The following DSE variants were observed in gnomAD, a reference collection of about 807,000 sequenced individuals.
The protein encoded by DSE is dermatan-sulfate epimerase.
A neutral mutation model predicts 84.4 loss-of-function variants in DSE; 36 were observed. That is an observed-to-expected ratio of 0.43 (90% confidence interval 0.33 to 0.56). The LOEUF (loss-of-function observed/expected upper bound fraction) is 0.56, where lower values mean the gene tolerates loss of function less well. Ranked by LOEUF, DSE falls within the 20% of genes least tolerant of loss-of-function variation. The pLI, the probability that DSE is intolerant of heterozygous loss-of-function variation, is 0.06. For synonymous variants in DSE, 410 were observed against 430.1 expected (o/e 0.95, Z 0.58); for missense variants, 862 against 1,169.6 (o/e 0.74, Z 3.84).
Position 116,279,930 on chromosome 6 carries a change from T to C in DSE, c.-54+20963T>C, listed in dbSNP as rs1378470779. On this transcript the variant is annotated intron_variant, in intron 2 of 3. Transcript: ENST00000430252. ...CGCACCGCCCACCCTACAGTCTCAC[T>C]AACATTTCAGCGGCGGTGTCGTCAG... The C allele has an allele frequency of 6.5e-6, 10 of 1,542,548 alleles. No individual in the cohort carries two copies. In the Admixed American group the frequency reaches 8.4e-5, roughly 13 times the overall value.
intron 1 of DSE, chr6:116,258,409 A>G (rs1208284751): frequency 1.4e-6 from 1 of 701,946 alleles, no homozygotes; most frequent in Non-Finnish European, 2.6e-6. Flanking sequence ...AAGTCATTAT[A>G]ATAACTTAGT....
At chr6:116,297,901 G>A (rs1373762122) in intron 2 of DSE, among the ~76,000 whole-genome samples, 1 of 152,150 alleles carries the variant, frequency 6.6e-6, no homozygotes, top group Non-Finnish European at 1.5e-5. Context: ...TTGGGTTAAA[G>A]GTTCAGACAT....
intron 2 of DSE, among the ~76,000 whole-genome samples, chr6:116,339,709 A>G (rs1777479499): frequency 6.6e-6 from 1 of 152,186 alleles, no homozygotes; most frequent in Non-Finnish European, 1.5e-5. Context: ...TGACTTGGCA[A>G]TTGAGTTTAT....
At chr6:116,408,432 T>C (rs1463681922) in intron 2 of DSE, among the ~76,000 whole-genome samples, 1 of 152,200 alleles carries the variant, frequency 6.6e-6, no homozygotes, top group Non-Finnish European at 1.5e-5. Flanking sequence ...AAGACACTAA[T>C]TAATTATATT....
At chr6:116,337,455 C>G (rs1298745848) in intron 2 of DSE, among the ~76,000 whole-genome samples, 2 of 152,052 alleles carry the variant, frequency 1.3e-5, no homozygotes, top group Non-Finnish European at 2.9e-5. Flanking sequence ...ACTAAAACTA[C>G]AAAAATTAGC....
Position 116,437,514 on chromosome 6 carries a change from A to G in DSE, c.*169A>G, listed in dbSNP as rs2115100843. 1.6e-6 allele frequency: 1 copy of G among 644,828 alleles called. No individual in the cohort carries two copies. Among genetic ancestry groups the G allele is most frequent in the Non-Finnish European group, 2.5e-6 (1 of 397,614 alleles). The allele number at this position is 644,828 out of a possible 1,614,324, so 39.9% of individuals were successfully genotyped here. On this transcript the variant is annotated 3_prime_UTR_variant, in exon 6 of 6. Coordinates refer to ENST00000644252, the MANE Select transcript of DSE (RefSeq NM_013352.4). ...AGGAACGTGGAGAAATTGGAGCAGGAAAAGAAATTATCAAAGCAATAGAAA... is the reference window on the plus strand; with the variant it reads ...AGGAACGTGGAGAAATTGGAGCAGGGAAAGAAATTATCAAAGCAATAGAAA...
chr6:116,268,229 CAACAT>C (rs1772720900), intron 2 of DSE, among the ~76,000 whole-genome samples: 1 of 152,180 alleles, frequency 6.6e-6, no homozygotes, highest in Non-Finnish European at 1.5e-5. Context: ...GTTAGTTACA[CAACAT>C]ATGTTAGATA....
intron 2 of DSE, among the ~76,000 whole-genome samples, chr6:116,424,497 T>A (rs2640888): frequency 0.075 from 11,462 of 152,258 alleles, 593 homozygotes; most frequent in African/African-American, 0.15. Flanking sequence ...TCCATAATGA[T>A]CACATAATCA....
At chr6:116,377,216 A>T (rs1779979722) in intron 1 of DSE, among the ~76,000 whole-genome samples, 1 of 152,246 alleles carries the variant, frequency 6.6e-6, no homozygotes, top group South Asian at 2.1e-4. Context: ...ACAATAACAA[A>T]CTTAGCTACT....
chr6:116,274,091 A>G (rs1185411205), intron 2 of DSE, among the ~76,000 whole-genome samples: 1 of 151,492 alleles, frequency 6.6e-6, no homozygotes, highest in African/African-American at 2.4e-5. Flanking sequence ...CGGCCTCCCA[A>G]AGTGCTGGGA....
At chr6:116,258,948 A>G in exon 2 of DSE, 9 of 1,521,602 alleles carry the variant, frequency 5.9e-6, no homozygotes, top group Non-Finnish European at 8.2e-6. Context: ...ATTTGGCGGC[A>G]TACCACCCTG....
chr6:116,329,615 C>A (rs910166342), intron 2 of DSE, among the ~76,000 whole-genome samples: 4 of 152,084 alleles, frequency 2.6e-5, no homozygotes, highest in African/African-American at 4.8e-5. Flanking sequence ...TGTTATTTCA[C>A]GTGAAACTTT....
intron 2 of DSE, among the ~76,000 whole-genome samples, chr6:116,330,272 A>G (rs1776860945): frequency 6.6e-6 from 1 of 152,174 alleles, no homozygotes; most frequent in Admixed American, 6.5e-5. Flanking sequence ...TTCTGGACAT[A>G]ATTATTATTT....
chr6:116,428,036 A>G (rs1783564652), intron 3 of DSE, among the ~76,000 whole-genome samples: 1 of 152,188 alleles, frequency 6.6e-6, no homozygotes, highest in Non-Finnish European at 1.5e-5. Context: ...TAAAAATACA[A>G]AAATTAGCTG....
At chr6:116,357,538 A>T (rs1440417230) in intron 2 of DSE, among the ~76,000 whole-genome samples, 3 of 152,174 alleles carry the variant, frequency 2.0e-5, no homozygotes, top group African/African-American at 7.2e-5. Flanking sequence ...TCTCAAAAAA[A>T]AAAAAAAGTT....
At chr6:116,408,874 GT>G (rs1366136170) in intron 2 of DSE, among the ~76,000 whole-genome samples, 1 of 152,166 alleles carries the variant, frequency 6.6e-6, no homozygotes, top group African/African-American at 2.4e-5. Flanking sequence ...ACAGAGTTTT[GT>G]TTTTATTCAC....
rs1269798750 is a variant in DSE at position 116,438,854 on chromosome 6, T to C, written c.*1509T>C. 1.3e-5 allele frequency: 2 copies of C among 152,202 alleles called. No homozygotes were observed. The highest frequency in any genetic ancestry group is 2.9e-5 in the Non-Finnish European group (2 of 68,018). 9.4% of individuals were successfully genotyped at this position (152,202 alleles called of 1,614,324 possible). A position where few individuals can be genotyped will look rare whatever the true frequency, so the allele number is the denominator to read the frequency against. On this transcript the variant is annotated 3_prime_UTR_variant, in exon 6 of 6. Transcript: ENST00000644252. Reference sequence around the variant, plus strand: ...CTTTCTGCAGTTCTAATTTGAACCTTCTTGCATAAAGAAAACACAAGTTTG... The same window carrying C: ...CTTTCTGCAGTTCTAATTTGAACCTCCTTGCATAAAGAAAACACAAGTTTG...
intron 2 of DSE, among the ~76,000 whole-genome samples, chr6:116,402,536 C>T (rs1781660565): frequency 1.3e-5 from 2 of 152,102 alleles, no homozygotes; most frequent in Admixed American, 6.6e-5. Context: ...ATAGTAAGCC[C>T]TCAGTAAATG....
At chr6:116,434,276 C>T (rs1784022931) in intron 5 of DSE, among the ~76,000 whole-genome samples, 1 of 152,050 alleles carries the variant, frequency 6.6e-6, no homozygotes. Context: ...AATCATTAAT[C>T]CCTGATGTCT....
Sources: gnomAD v4.1 joint callset for allele counts (sites outside exome capture counted in the v4.1 genomes callset) on GRCh38, gnomAD v4.1.1 for gene constraint, MANE v1.5 for transcripts, NCBI Gene and HGNC (gene_info 2026-07-23, HGNC 2026-07-21) for gene names.